METTL24: variants seen among roughly 807,000 people sequenced by gnomAD.
METTL24 encodes the protein methyltransferase like 24, also known as probable methyltransferase-like protein 24.
METTL24 carries 29 observed loss-of-function variants against 32.7 expected under a neutral mutation model. The observed-to-expected ratio is 0.89, with a 90% CI of 0.66 to 1.21. METTL24 has a LOEUF of 1.21. METTL24 is among the 50% of genes most tolerant of loss of function. METTL24 has a pLI of 0.00. For synonymous variants in METTL24, 163 were observed against 179.5 expected (o/e 0.91, Z 0.73); for missense variants, 439 against 468.1 (o/e 0.94, Z 0.57).
At chr6:110,272,386 G>T (rs989801850) in intron 4 of METTL24, among the ~76,000 whole-genome samples, 5 of 152,166 alleles carry the variant, frequency 3.3e-5, no homozygotes, top group African/African-American at 4.8e-5. Flanking sequence ...GGGCATTTAG[G>T]ATGGTTCCAT....
intron 4 of METTL24, chr6:110,254,077 C>A (rs1425018899): frequency 6.1e-6 from 4 of 656,122 alleles, no homozygotes; most frequent in African/African-American, 5.6e-5. Context: ...AATATGAAAG[C>A]CTCTATCAAT....
intron 4 of METTL24, among the ~76,000 whole-genome samples, chr6:110,275,303 T>C (rs904660826): frequency 2.3e-4 from 35 of 152,146 alleles, no homozygotes; most frequent in African/African-American, 7.9e-4. Context: ...CCAACCCCCC[T>C]TTCTTGCCTC....
At position 110,358,262 on chromosome 6, in the gene METTL24, TC is replaced by T; in HGVS notation, c.10del (p.Glu4ArgfsTer70). On this transcript the variant is annotated frameshift_variant, in exon 1 of 5. Coordinates refer to ENST00000338882, the MANE Select transcript of METTL24 (RefSeq NM_001123364.3). LOFTEE classifies it high-confidence loss of function. ...GCCGCAGCCCCTCCCGGGCGGCCTC[TC>T]CCGGGCCATGGCGCTACACTCGGGG... is the stretch of plus-strand genomic sequence containing the variant. MAR[E>X]RPPGRGCGVL... 1 of 1,476,198 alleles carries T rather than the reference TC, an allele frequency of 6.8e-7. No individual in the cohort carries two copies. The highest frequency in any genetic ancestry group is 8.9e-7 in the Non-Finnish European group (1 of 1,120,350). 91.4% of individuals were successfully genotyped at this position (1,476,198 alleles called of 1,614,324 possible). A position where few individuals can be genotyped will look rare whatever the true frequency, so the allele number is the denominator to read the frequency against.
intron 4 of METTL24, among the ~76,000 whole-genome samples, chr6:110,288,114 G>C (rs1230009846): frequency 6.6e-6 from 1 of 152,116 alleles, no homozygotes; most frequent in Non-Finnish European, 1.5e-5. Context: ...ACATCAACAG[G>C]GCACAGAGTA....
intron 4 of METTL24, among the ~76,000 whole-genome samples, chr6:110,296,807 C>T (rs1771428081): frequency 6.6e-6 from 1 of 152,182 alleles, no homozygotes; most frequent in Non-Finnish European, 1.5e-5. Context: ...GTGTTTTTTA[C>T]TATTTGCTTC....
chr6:110,349,561 A>G (rs1772552859), intron 1 of METTL24, among the ~76,000 whole-genome samples: 1 of 152,268 alleles, frequency 6.6e-6, no homozygotes. Flanking sequence ...ACATAGTGCC[A>G]TGAAAAAGGG....
intron 1 of METTL24, among the ~76,000 whole-genome samples, chr6:110,323,939 AGTGT>A (rs1483828606): frequency 1.3e-5 from 2 of 152,074 alleles, no homozygotes; most frequent in Non-Finnish European, 2.9e-5. Flanking sequence ...ACATATACAC[AGTGT>A]TCTCCAGTCA....
At chr6:110,301,445 A>T (rs1377521927) in intron 3 of METTL24, among the ~76,000 whole-genome samples, 1 of 152,120 alleles carries the variant, frequency 6.6e-6, no homozygotes, top group Non-Finnish European at 1.5e-5. Context: ...GCCTTGCTTT[A>T]TGGAAGGAAG....
intron 4 of METTL24, among the ~76,000 whole-genome samples, chr6:110,297,072 A>C (rs1033293863): frequency 2.0e-5 from 3 of 152,266 alleles, no homozygotes; most frequent in African/African-American, 7.2e-5. Flanking sequence ...GAATTAAAAC[A>C]AAAAAGGAGC....
Position 110,261,611 on chromosome 6 carries a change from T to G in METTL24, c.787-15351A>C, listed in dbSNP as rs897109477. On this transcript the variant is annotated intron_variant, in intron 4 of 4. Transcript: ENST00000338882. ...GAATTGAACTCAGCTCTGCGCCAAG[T>G]GGACCTAATAGACATCTACAGAACT... is the stretch of plus-strand genomic sequence containing the variant. Among the ~76,000 whole-genome samples, 3 of 152,100 alleles carry G rather than the reference T, an allele frequency of 2.0e-5. No homozygotes were observed. The East Asian group carries it at 5.8e-4, about 29-fold the overall frequency.
intron 4 of METTL24, among the ~76,000 whole-genome samples, chr6:110,283,311 T>C (rs1334074686): frequency 1.3e-5 from 2 of 152,108 alleles, no homozygotes; most frequent in East Asian, 3.9e-4. Context: ...CAGGGACATA[T>C]CTGGTAAAAA....
At chr6:110,290,281 T>A (rs1389611438) in intron 4 of METTL24, among the ~76,000 whole-genome samples, 1 of 152,190 alleles carries the variant, frequency 6.6e-6, no homozygotes, top group Non-Finnish European at 1.5e-5. Context: ...AAATATAGAA[T>A]GTTTCCATCA....
At chr6:110,265,214 T>C (rs187741975) in intron 4 of METTL24, among the ~76,000 whole-genome samples, 3 of 152,008 alleles carry the variant, frequency 2.0e-5, no homozygotes, top group African/African-American at 7.2e-5. Context: ...AATATCCCTC[T>C]ATGCCAAGAA....
At chr6:110,326,591 A>T (rs1342493901) in intron 1 of METTL24, among the ~76,000 whole-genome samples, 1 of 152,232 alleles carries the variant, frequency 6.6e-6, no homozygotes, top group African/African-American at 2.4e-5. Flanking sequence ...GGCTCATTCA[A>T]ACTGGCTAAT....
At chr6:110,309,857 A>G (rs1771687092) in intron 3 of METTL24, among the ~76,000 whole-genome samples, 1 of 142,350 alleles carries the variant, frequency 7.0e-6, no homozygotes, top group South Asian at 2.2e-4. Context: ...ATGTATTCTT[A>G]GGAGCAAAAA....
chr6:110,298,167 G>T (rs142520638), intron 4 of METTL24, among the ~76,000 whole-genome samples: 22 of 152,302 alleles, frequency 1.4e-4, no homozygotes, highest in African/African-American at 5.1e-4. Context: ...ATCTCTGGCT[G>T]GGAACACAGG....
intron 1 of METTL24, among the ~76,000 whole-genome samples, chr6:110,326,368 G>T (rs1406377420): frequency 6.6e-6 from 1 of 152,120 alleles, no homozygotes; most frequent in Non-Finnish European, 1.5e-5. Context: ...CATTTTCCCT[G>T]CATCTCTAGG....
chr6:110,358,238 C>A lies in METTL24; in HGVS notation c.35G>T (p.Gly12Val). 1 of 1,487,652 alleles carries A rather than the reference C, an allele frequency of 6.7e-7. No individual in the cohort carries two copies. Among genetic ancestry groups the A allele is most frequent in the African/African-American group, 1.5e-5 (1 of 68,556 alleles). 92.2% of individuals were successfully genotyped at this position (1,487,652 alleles called of 1,614,324 possible). A position where few individuals can be genotyped will look rare whatever the true frequency, so the allele number is the denominator to read the frequency against. The change falls in exon 1 of 5, where the codon GGC becomes GTC. Residue 12 changes from glycine to valine, a missense_variant. Transcript: ENST00000338882. ...CCCGAGTAGACACCGGCGCAGGACGCCGCAGCCCCTCCCGGGCGGCCTCTC... is the reference window on the plus strand; with the variant it reads ...CCCGAGTAGACACCGGCGCAGGACGACGCAGCCCCTCCCGGGCGGCCTCTC... ...ARERPPGRGC[G>V]VLRRCLLGAV... is the part of the protein sequence containing the mutation.
intron 1 of METTL24, among the ~76,000 whole-genome samples, chr6:110,336,738 C>CAAAAAAA (rs57378153): frequency 7.6e-6 from 1 of 131,408 alleles, no homozygotes; most frequent in Non-Finnish European, 1.6e-5. Context: ...GACTCCGCCT[C>CAAAAAAA]AAAAAAAAAA....
Sources: allele counts gnomAD v4.1 joint callset (sites outside exome capture counted in the v4.1 genomes callset), GRCh38; gene constraint gnomAD v4.1.1; transcripts MANE v1.5; gene names NCBI Gene and HGNC (gene_info 2026-07-23, HGNC 2026-07-21).